NCKAP1L: variants seen among roughly 807,000 people sequenced by gnomAD.
NCKAP1L encodes the protein NCK associated protein 1 like, also known as nck-associated protein 1-like.
In NCKAP1L, 53 loss-of-function variants were observed where a neutral mutation model predicts 139.2. That is an observed-to-expected ratio of 0.38 (90% CI 0.31 to 0.48). The LOEUF is 0.48. NCKAP1L is among the 20% of genes least tolerant of loss of function. The probability of loss-of-function intolerance (pLI) is 0.98; values close to 1 mark genes in which losing one functional copy is unlikely to be tolerated. For missense variants in NCKAP1L, 1,151 were observed against 1,381.9 expected (o/e 0.83, Z 2.65); for synonymous variants, 468 against 499.7 (o/e 0.94, Z 0.85).
intron 9 of NCKAP1L, among the ~76,000 whole-genome samples, chr12:54,515,209 G>C (rs537421575): frequency 6.6e-5 from 10 of 152,172 alleles, no homozygotes; most frequent in Admixed American, 2.0e-4. Flanking sequence ...CTGTGAAGTT[G>C]AATGTTGATT....
intron 26 of NCKAP1L, among the ~76,000 whole-genome samples, chr12:54,532,907 G>T (rs1035961078): frequency 1.3e-5 from 2 of 152,242 alleles, no homozygotes; most frequent in African/African-American, 2.4e-5. Context: ...CCTAGGAATA[G>T]AATCCTTCAA....
chr12:54,511,545 T>G (rs981669451), intron 7 of NCKAP1L, among the ~76,000 whole-genome samples: 1 of 152,356 alleles, frequency 6.6e-6, no homozygotes, highest in East Asian at 1.9e-4. Flanking sequence ...TACCTAGGAC[T>G]ACAGGTGCAC....
intron 3 of NCKAP1L, among the ~76,000 whole-genome samples, chr12:54,503,726 G>A (rs1385089612): frequency 6.7e-6 from 1 of 149,400 alleles, no homozygotes; most frequent in Non-Finnish European, 1.5e-5. Flanking sequence ...TGCTGCCTCC[G>A]CCTTTGGGTT....
rs751794970 is a variant in NCKAP1L, at chr12:54,509,984, C to T, written c.734C>T (p.Thr245Ile). ...ATGATTAACCCTGCTAATTCAGATA[C>T]AGTGAGTGCCCTTTTCCTTTTGTTA... ...PAMINPANSD[T>I]MACEYLSVEV... is the part of the protein sequence containing the mutation. Residue 245 changes from threonine to isoleucine, a missense_variant and splice_region_variant, in exon 7 of 31, where the codon ACA becomes ATA. Physicochemically the swap from Thr to Ile is moderately conservative, Grantham distance 89. Coordinates refer to ENST00000293373, the MANE Select transcript of NCKAP1L (RefSeq NM_005337.5). The T allele has an allele frequency of 1.2e-6, 2 of 1,614,148 alleles. No homozygotes were observed. The highest frequency in any genetic ancestry group is 1.1e-5 in the South Asian group (1 of 91,078).
intron 26 of NCKAP1L, among the ~76,000 whole-genome samples, chr12:54,533,944 T>C (rs57901976): frequency 0.052 from 7,904 of 152,232 alleles, 672 homozygotes; most frequent in African/African-American, 0.18. Context: ...TCAAAAAACA[T>C]TTTTTTAAAT....
intron 30 of NCKAP1L, among the ~76,000 whole-genome samples, chr12:54,539,926 G>A (rs1277527053): frequency 1.3e-5 from 2 of 152,212 alleles, no homozygotes; most frequent in South Asian, 2.1e-4. Context: ...CAAGGGACGT[G>A]TGGCTGGAGT....
intron 21 of NCKAP1L, 140 bp from the exon 22 acceptor site, chr12:54,528,107 G>T (rs1000377152): frequency 2.0e-6 from 2 of 997,422 alleles, no homozygotes; most frequent in Non-Finnish European, 3.0e-6. Context: ...TTAGAACATT[G>T]TGCCATCTTC....
intron 26 of NCKAP1L, among the ~76,000 whole-genome samples, chr12:54,533,957 A>G (rs1436788311): frequency 5.3e-5 from 8 of 152,202 alleles, no homozygotes; most frequent in Non-Finnish European, 1.2e-4. Context: ...TTTTAAATCT[A>G]AAAAGGGGTC....
rs1481851992 is a variant in NCKAP1L, at chr12:54,531,838, G to A, written c.2781+13G>A. ...GGGACTTCGGGAGGTGAGTTGGTGG[G>A]GAGGGGTCTGTCACAGAGTCACAGA... is the stretch of plus-strand genomic sequence containing the variant. On this transcript the variant is annotated intron_variant, in intron 25 of 30. Coordinates refer to ENST00000293373, the MANE Select transcript of NCKAP1L (RefSeq NM_005337.5). The A allele has an allele frequency of 1.2e-6, 2 of 1,600,744 alleles. No homozygotes were observed. Among genetic ancestry groups the A allele is most frequent in the Non-Finnish European group, 8.6e-7 (1 of 1,168,190 alleles).
chr12:54,500,906 T>A (rs781563629), intron 3 of NCKAP1L: 6 of 253,146 alleles, frequency 2.4e-5, no homozygotes, highest in Non-Finnish European at 4.6e-5. Flanking sequence ...ATAACTACCT[T>A]TGGGGACTGA....
At position 54,526,566 on chromosome 12, in the gene NCKAP1L, A is replaced by G. The variant is rs754397013; in HGVS notation, c.2195A>G (p.Gln732Arg). 1.9e-6 allele frequency: 3 copies of G among 1,613,920 alleles called. No homozygotes were observed. Among genetic ancestry groups the G allele is most frequent in the Admixed American group, 1.7e-5 (1 of 59,990 alleles). The change falls in exon 21 of 31, where the codon CAG becomes CGG. Residue 732 changes from glutamine (Q) to arginine (R), a missense_variant. Physicochemically the swap from Gln to Arg is conservative, Grantham distance 43. Coordinates refer to ENST00000293373, the MANE Select transcript of NCKAP1L (RefSeq NM_005337.5). The stretch of plus-strand genomic sequence containing the variant: ...CTGGCTGGCTACAATGCCACGACCC[A>G]GGAGATCGTACGGCCTTCTGAGCTG... The part of the protein sequence containing the change: ...VWLAGYNATT[Q>R]EIVRPSELLA...
chr12:54,538,824 C>A (rs999074300), intron 29 of NCKAP1L, 60 bp from the exon 30 acceptor site: 29 of 1,272,374 alleles, frequency 2.3e-5, no homozygotes, highest in Admixed American at 3.4e-5. Flanking sequence ...CTTCCTGCAG[C>A]CTGAGGCCAT....
In NCKAP1L at chr12:54,541,953, C is replaced by G. The variant is rs546462572; in HGVS notation, c.3274-622C>G. ...ACCCACCTCCCCCTCTTCACCCTCA[C>G]CCCCACTCTCATTCTTCTCCGGGCA... On this transcript the variant is annotated intron_variant, in intron 30 of 30. Coordinates refer to ENST00000293373, the MANE Select transcript of NCKAP1L (RefSeq NM_005337.5). Among the ~76,000 whole-genome samples the G allele has an allele frequency of 6.6e-5, 10 of 152,148 alleles. No homozygotes were observed. The East Asian group carries it at 1.9e-3, about 30-fold the overall frequency.
chr12:54,535,232 G>A, intron 27 of NCKAP1L, 35 bp downstream of exon 27: 1 of 1,517,884 alleles, frequency 6.6e-7, no homozygotes, highest in Non-Finnish European at 9.1e-7. Context: ...ATTTGGGAAA[G>A]GAGGGCTTGG....
At chr12:54,531,201 T>G (rs1957065934) in intron 22 of NCKAP1L, 59 bp from the exon 23 acceptor site, 13 of 1,268,746 alleles carry the variant, frequency 1.0e-5, no homozygotes. Context: ...CTATAGCTGT[T>G]GTACAAATAC....
At chr12:54,517,495 A>T in intron 11 of NCKAP1L, 38 bp from the exon 12 acceptor site, 1 of 1,398,806 alleles carries the variant, frequency 7.1e-7, no homozygotes, top group Non-Finnish European at 1.0e-6. Context: ...ATCCATTTTT[A>T]AAGTTGAAAA....
chr12:54,510,284 C>T (rs923053564), intron 7 of NCKAP1L: 5 of 486,466 alleles, frequency 1.0e-5, no homozygotes, highest in African/African-American at 3.9e-5. Context: ...CATTAGGCAC[C>T]TATTAAGCCT....
rs751910174 is a variant in NCKAP1L, at chr12:54,508,435, C to T, written c.410C>T (p.Thr137Ile). ...FTRSYLDLIV[T>I]YTSVILLLSR... Reference sequence around the variant, plus strand: ...CGGAGTTACCTGGACTTGATTGTAACTTACACCTCAGTCATTTTACTTCTG... The same window carrying T: ...CGGAGTTACCTGGACTTGATTGTAATTTACACCTCAGTCATTTTACTTCTG... The change falls in exon 5 of 31, where the codon ACT becomes ATT. Residue 137 changes from threonine to isoleucine, a missense_variant. Thr to Ile is a moderately conservative substitution (Grantham distance 89). Coordinates refer to ENST00000293373, the MANE Select transcript of NCKAP1L (RefSeq NM_005337.5). 1.9e-6 allele frequency: 3 copies of T among 1,613,944 alleles called. No individual in the cohort carries two copies.
At chr12:54,521,013 G>T (rs919290901) in intron 17 of NCKAP1L, 106 bp from the exon 18 acceptor site, 3 of 1,559,428 alleles carry the variant, frequency 1.9e-6, no homozygotes, top group Non-Finnish European at 1.8e-6. Context: ...GTAGGAATGG[G>T]TAGGAATCTT....
Sources: gnomAD v4.1 joint callset for allele counts (sites outside exome capture counted in the v4.1 genomes callset) on GRCh38, gnomAD v4.1.1 for gene constraint, MANE v1.5 for transcripts, NCBI Gene and HGNC (gene_info 2026-07-23, HGNC 2026-07-21) for gene names.